CACNA1D: variants seen among roughly 807,000 people sequenced by gnomAD.
CACNA1D encodes the protein voltage-dependent L-type calcium channel subunit alpha-1D.
A neutral mutation model predicts 257.1 loss-of-function variants in CACNA1D; 55 were observed. That is an observed-to-expected ratio of 0.21 (90% CI 0.17 to 0.27). CACNA1D has a LOEUF of 0.27. Among genes scored for constraint, CACNA1D ranks in the 10% least tolerant of loss-of-function variants. The pLI is 1.00. For missense variants in CACNA1D, 1,876 were observed against 2,784.0 expected (o/e 0.67, Z 7.34); for synonymous variants, 980 against 1,014.9 (o/e 0.97, Z 0.65).
At chr3:53,784,243 C>T (rs1206342410) in intron 39 of CACNA1D, among the ~76,000 whole-genome samples, 2 of 152,182 alleles carry the variant, frequency 1.3e-5, no homozygotes, top group African/African-American at 4.8e-5. Context: ...TCTTGTGGGT[C>T]CTTTCCCTTC....
At chr3:53,680,906 G>C (rs2094423787) in intron 8 of CACNA1D, among the ~76,000 whole-genome samples, 1 of 152,190 alleles carries the variant, frequency 6.6e-6, no homozygotes, top group African/African-American at 2.4e-5. Flanking sequence ...GGGCAGCTTG[G>C]TATACAAAGA....
intron 23 of CACNA1D, among the ~76,000 whole-genome samples, chr3:53,745,400 C>A (rs2095158761): frequency 6.6e-6 from 1 of 152,056 alleles, no homozygotes; most frequent in African/African-American, 2.4e-5. Flanking sequence ...ACCACCACGC[C>A]CAGCTAATTT....
At chr3:53,719,696 G>A in intron 10 of CACNA1D, 59 bp from the exon 11 acceptor site, 4 of 1,438,032 alleles carry the variant, frequency 2.8e-6, no homozygotes, top group South Asian at 1.1e-5. Flanking sequence ...TGAAATGATG[G>A]GGAGTGTGTG....
intron 40 of CACNA1D, 60 bp downstream of exon 40, chr3:53,787,012 A>G: frequency 6.4e-7 from 1 of 1,558,994 alleles, no homozygotes; most frequent in Non-Finnish European, 8.8e-7. Flanking sequence ...GCTTATTTGA[A>G]ATACTAGAGA....
At chr3:53,808,538 A>C (rs559865876) in intron 45 of CACNA1D, 111 bp from the exon 46 acceptor site, 1 of 1,322,218 alleles carries the variant, frequency 7.6e-7, no homozygotes, top group East Asian at 2.3e-5. Flanking sequence ...GACAAACCGC[A>C]TGCTTCTTCC....
intron 12 of CACNA1D, 60 bp downstream of exon 12, chr3:53,722,534 T>A: frequency 6.6e-7 from 1 of 1,513,142 alleles, no homozygotes; most frequent in South Asian, 1.1e-5. Flanking sequence ...GCTGTCCAAC[T>A]GCCATTTGGT....
chr3:53,713,514 G>A (rs1227827376), intron 9 of CACNA1D, among the ~76,000 whole-genome samples: 2 of 132,864 alleles, frequency 1.5e-5, no homozygotes, highest in African/African-American at 3.0e-5. Flanking sequence ...GTGTGTGTGT[G>A]TGTGTGTGTG....
intron 40 of CACNA1D, among the ~76,000 whole-genome samples, chr3:53,797,011 C>T (rs957350455): frequency 6.6e-6 from 1 of 151,990 alleles, no homozygotes; most frequent in Non-Finnish European, 1.5e-5. Flanking sequence ...TAGAGGTAGA[C>T]ACAGATATGA....
intron 40 of CACNA1D, among the ~76,000 whole-genome samples, chr3:53,799,313 C>T (rs1341235952): frequency 6.6e-6 from 1 of 152,234 alleles, no homozygotes; most frequent in Non-Finnish European, 1.5e-5. Flanking sequence ...AGAGCTGGAG[C>T]AGTACCTTCC....
intron 19 of CACNA1D, among the ~76,000 whole-genome samples, chr3:53,734,643 A>C (rs1277815422): frequency 6.6e-6 from 1 of 152,168 alleles, no homozygotes; most frequent in Admixed American, 6.5e-5. Flanking sequence ...GGTGTCAGGC[A>C]TGAGCCACCC....
chr3:53,633,093 A>G (rs1191985025), intron 3 of CACNA1D, among the ~76,000 whole-genome samples: 1 of 152,264 alleles, frequency 6.6e-6, no homozygotes, highest in African/African-American at 2.4e-5. Context: ...GAAGTACAAT[A>G]AAATGAGATA....
chr3:53,589,985 GT>G (rs1372026658), intron 3 of CACNA1D, among the ~76,000 whole-genome samples: 2 of 152,210 alleles, frequency 1.3e-5, no homozygotes, highest in African/African-American at 4.8e-5. Context: ...CCCAGGGCCT[GT>G]TTTCCCTGCA....
At chr3:53,539,677 A>G (rs781176102) in intron 3 of CACNA1D, among the ~76,000 whole-genome samples, 11 of 152,208 alleles carry the variant, frequency 7.2e-5, no homozygotes, top group Non-Finnish European at 1.5e-4. Context: ...TCTTCTTTCC[A>G]ATGTGTCATG....
chr3:53,630,662 G>A (rs937988782), intron 3 of CACNA1D, among the ~76,000 whole-genome samples: 3 of 152,238 alleles, frequency 2.0e-5, no homozygotes, highest in Non-Finnish European at 4.4e-5. Context: ...TTAGCCAGAG[G>A]GAACAAAGAA....
At chr3:53,655,957 A>G (rs898139154) in intron 4 of CACNA1D, among the ~76,000 whole-genome samples, 3 of 152,262 alleles carry the variant, frequency 2.0e-5, no homozygotes, top group African/African-American at 4.8e-5. Context: ...ATTTTTGTAT[A>G]TAGTATAAGA....
chr3:53,679,725 C>T (rs1466568094), intron 8 of CACNA1D: 1 of 152,214 alleles, frequency 6.6e-6, no homozygotes, highest in Admixed American at 6.5e-5. Context: ...AGTACTTCCC[C>T]ACATTTAGCT....
At chr3:53,615,742 C>T (rs952642378) in intron 3 of CACNA1D, among the ~76,000 whole-genome samples, 2 of 152,222 alleles carry the variant, frequency 1.3e-5, no homozygotes, top group African/African-American at 4.8e-5. Context: ...ATGCTGCATT[C>T]TATGAAACAG....
chr3:53,584,458 C>A (rs982066968), intron 3 of CACNA1D, among the ~76,000 whole-genome samples: 1 of 152,208 alleles, frequency 6.6e-6, no homozygotes, highest in Non-Finnish European at 1.5e-5. Context: ...AGAACCTTTA[C>A]CACTTGTTTC....
At chr3:53,763,761 A>T (rs1293633524) in intron 30 of CACNA1D, among the ~76,000 whole-genome samples, 2 of 152,196 alleles carry the variant, frequency 1.3e-5, no homozygotes, top group African/African-American at 4.8e-5. Context: ...GCGTGTGAAT[A>T]GTAAGACAGC....
Sources: gnomAD v4.1 joint callset for allele counts (sites outside exome capture counted in the v4.1 genomes callset) on GRCh38, gnomAD v4.1.1 for gene constraint, MANE v1.5 for transcripts, NCBI Gene and HGNC (gene_info 2026-07-23, HGNC 2026-07-21) for gene names.